Variants in ZNF385D observed in about 807,000 individuals in gnomAD.
ZNF385D encodes the protein zinc finger protein 385D.
In ZNF385D, 15 loss-of-function variants were observed where a neutral mutation model predicts 35.8. The observed-to-expected ratio is 0.42, with a 90% CI of 0.28 to 0.64. The LOEUF (loss-of-function observed/expected upper bound fraction) is 0.64. Among genes scored for constraint, ZNF385D ranks in the 30% least tolerant of loss-of-function variants. ZNF385D has a pLI of 0.23. For synonymous variants in ZNF385D, 212 were observed against 186.8 expected (o/e 1.13, Z -1.10); for missense variants, 474 against 494.6 (o/e 0.96, Z 0.39).
At chr3:21,865,044 ACTTTTTT>A in intron 3 of ZNF385D, among the ~76,000 whole-genome samples, 1 of 32,764 alleles carries the variant, frequency 3.1e-5, no homozygotes, top group Non-Finnish European at 5.9e-5. Context: ...TACAGGGAAG[ACTTTTTT>A]TTTTTTTTTT....
intron 2 of ZNF385D, among the ~76,000 whole-genome samples, chr3:22,200,738 C>T (rs993619089): frequency 3.9e-5 from 6 of 151,984 alleles, no homozygotes; most frequent in African/African-American, 7.2e-5. Context: ...TGGCCATGCC[C>T]GGGGGGACCG....
intron 3 of ZNF385D, among the ~76,000 whole-genome samples, chr3:21,944,504 T>G (rs1701680809): frequency 6.6e-6 from 1 of 152,218 alleles, no homozygotes; most frequent in Admixed American, 6.5e-5. Context: ...GGAACTTTTC[T>G]GCTGGTGGTT....
chr3:22,253,501 T>C (rs529499456), intron 2 of ZNF385D, among the ~76,000 whole-genome samples: 21 of 152,076 alleles, frequency 1.4e-4, no homozygotes, highest in African/African-American at 4.3e-4. Context: ...AATACACTTT[T>C]AATAGTTCGG....
At chr3:21,660,855 TAC>T (rs2066217887) in intron 2 of ZNF385D, among the ~76,000 whole-genome samples, 3 of 152,212 alleles carry the variant, frequency 2.0e-5, no homozygotes, top group Admixed American at 2.0e-4. Context: ...TGTCCACAGT[TAC>T]AGAGACAGTC....
At chr3:21,624,034 G>C (rs4858340) in intron 2 of ZNF385D, among the ~76,000 whole-genome samples, 19,191 of 152,048 alleles carry the variant, frequency 0.13, 1,434 homozygotes, top group East Asian at 0.29. Flanking sequence ...ATGGATTGAA[G>C]CATAAATCTA....
chr3:21,953,521 C>A (rs912492229), intron 3 of ZNF385D, among the ~76,000 whole-genome samples: 3 of 151,976 alleles, frequency 2.0e-5, no homozygotes, highest in Non-Finnish European at 2.9e-5. Context: ...AAAGTTTTAT[C>A]AAATGGCTAA....
rs575295187 is a variant in ZNF385D, at chr3:22,300,331, A to T, written c.106+72119T>A. ...CTTAAGTGTAAAGCCAGAGACTATA[A>T]AACTGCTAGAAGAAAACAGGGGTAC... On this transcript the variant is annotated intron_variant, in intron 2 of 5. Transcript: ENST00000494108. Among the ~76,000 whole-genome samples, 28 of 152,090 alleles carry T rather than the reference A, an allele frequency of 1.8e-4. No homozygotes were observed. In the South Asian group the frequency reaches 5.6e-3, roughly 30 times the overall value.
chr3:22,124,123 A>C (rs1703284670), intron 3 of ZNF385D, among the ~76,000 whole-genome samples: 1 of 151,354 alleles, frequency 6.6e-6, no homozygotes, highest in African/African-American at 2.4e-5. Context: ...CCGTTATTCT[A>C]CTCTCTATCT....
intron 3 of ZNF385D, among the ~76,000 whole-genome samples, chr3:21,562,680 A>G (rs1272075214): frequency 1.3e-5 from 2 of 152,320 alleles, no homozygotes; most frequent in East Asian, 3.9e-4. Context: ...TCAGTTTCTA[A>G]GTGAAATATA....
intron 2 of ZNF385D, among the ~76,000 whole-genome samples, chr3:22,281,420 A>G (rs533748211): frequency 1.1e-4 from 16 of 152,172 alleles, no homozygotes; most frequent in African/African-American, 2.6e-4. Context: ...TTCTATGCCA[A>G]TTTTGCAGAG....
intron 3 of ZNF385D, among the ~76,000 whole-genome samples, chr3:22,167,677 T>C (rs1399169717): frequency 2.0e-5 from 3 of 152,198 alleles, no homozygotes; most frequent in Non-Finnish European, 2.9e-5. Context: ...AGCAAGGACA[T>C]TGCTGGCCAG....
At chr3:22,015,088 T>A (rs1347807432) in intron 3 of ZNF385D, among the ~76,000 whole-genome samples, 3 of 152,090 alleles carry the variant, frequency 2.0e-5, no homozygotes, top group African/African-American at 7.2e-5. Flanking sequence ...AGGATGGGAC[T>A]CCCACATTTA....
At chr3:21,621,781 T>C (rs1484609658) in intron 2 of ZNF385D, among the ~76,000 whole-genome samples, 6 of 151,600 alleles carry the variant, frequency 4.0e-5, no homozygotes, top group Admixed American at 6.6e-5. Context: ...GCTGCTCTTA[T>C]CACAAAAAGC....
intron 3 of ZNF385D, among the ~76,000 whole-genome samples, chr3:21,766,124 A>G (rs1250165888): frequency 6.6e-6 from 1 of 152,130 alleles, no homozygotes; most frequent in Non-Finnish European, 1.5e-5. Flanking sequence ...AAATGAACTA[A>G]TAGTAGTTAT....
intron 1 of ZNF385D, among the ~76,000 whole-genome samples, chr3:21,732,553 G>C (rs1483919861): frequency 1.3e-5 from 2 of 152,202 alleles, no homozygotes; most frequent in Non-Finnish European, 2.9e-5. Flanking sequence ...CCAGCATTTT[G>C]TGTTGTCAGT....
chr3:22,016,682 G>T (rs577198321), intron 3 of ZNF385D, among the ~76,000 whole-genome samples: 20 of 152,110 alleles, frequency 1.3e-4, no homozygotes, highest in African/African-American at 4.6e-4. Context: ...GGCCTGAGGA[G>T]AGTAGCCCCG....
intron 3 of ZNF385D, among the ~76,000 whole-genome samples, chr3:22,092,366 C>G (rs993409179): frequency 1.3e-5 from 2 of 152,180 alleles, no homozygotes; most frequent in Non-Finnish European, 2.9e-5. Flanking sequence ...GCCTGTCCAG[C>G]CACATCCACA....
At chr3:22,132,380 T>A (rs1252962778) in intron 3 of ZNF385D, among the ~76,000 whole-genome samples, 3 of 152,182 alleles carry the variant, frequency 2.0e-5, no homozygotes, top group African/African-American at 7.2e-5. Flanking sequence ...AGAACTGAGA[T>A]AAATACATTT....
intron 2 of ZNF385D, among the ~76,000 whole-genome samples, chr3:22,239,456 A>G (rs1248599716): frequency 6.6e-6 from 1 of 151,058 alleles, no homozygotes; most frequent in Non-Finnish European, 1.5e-5. Flanking sequence ...TTAAAACTTT[A>G]CCAGAATTCC....
Sources: allele counts gnomAD v4.1 joint callset (sites outside exome capture counted in the v4.1 genomes callset), GRCh38; gene constraint gnomAD v4.1.1; transcripts MANE v1.5; gene names NCBI Gene and HGNC (gene_info 2026-07-23, HGNC 2026-07-21).